The following TRPM3 variants were observed in gnomAD, a reference collection of about 807,000 sequenced individuals.
The protein encoded by TRPM3 is long transient receptor potential channel 3.
In TRPM3, 77 loss-of-function variants were observed where a neutral mutation model predicts 181.2. The observed-to-expected ratio is 0.42, with a 90% confidence interval of 0.35 to 0.51. The LOEUF (loss-of-function observed/expected upper bound fraction) is 0.51. Ranked by LOEUF, TRPM3 falls within the 20% of genes least tolerant of loss-of-function variation. The pLI, the probability that TRPM3 is intolerant of heterozygous loss-of-function variation, is 0.01. For missense variants in TRPM3, 1,759 were observed against 2,196.7 expected (o/e 0.80, Z 3.98); for synonymous variants, 745 against 796.4 (o/e 0.94, Z 1.09).
At chr9:71,446,935 T>C, upstream of TRPM3, 1 of 1,238,008 alleles carries the variant, frequency 8.1e-7, no homozygotes, top group Non-Finnish European at 1.1e-6. Flanking sequence ...GGCTCTCGGT[T>C]GGCGCTGCCT....
chr9:70,977,137 A>G lies in TRPM3; in HGVS notation c.178-112626T>C, dbSNP rs928701420. Among the ~76,000 whole-genome samples, 15 of 152,016 alleles carry G rather than the reference A, an allele frequency of 9.9e-5. No homozygotes were observed. The East Asian group carries it at 1.7e-3, about 18-fold the overall frequency. The stretch of plus-strand genomic sequence containing the variant: ...GCATCAGTCTGAACTGTTTTTATTT[A>G]TTTATTTTTTTTTTTGAGATGGAGT... On this transcript the variant is annotated intron_variant, in intron 1 of 25. Transcript: ENST00000677713.
At chr9:71,040,586 A>G (rs1362018924) in intron 1 of TRPM3, among the ~76,000 whole-genome samples, 2 of 152,244 alleles carry the variant, frequency 1.3e-5, no homozygotes, top group Non-Finnish European at 2.9e-5. Flanking sequence ...GGCAACCATC[A>G]TGGTTATAAT....
chr9:71,064,549 T>C (rs970199270), intron 1 of TRPM3, among the ~76,000 whole-genome samples: 1 of 152,076 alleles, frequency 6.6e-6, no homozygotes, highest in Non-Finnish European at 1.5e-5. Flanking sequence ...GTTCTTATAT[T>C]TGATTATAGG....
intron 1 of TRPM3, among the ~76,000 whole-genome samples, chr9:70,888,890 G>C (rs1006198955): frequency 6.6e-6 from 1 of 152,146 alleles, no homozygotes; most frequent in Non-Finnish European, 1.5e-5. Flanking sequence ...TTTCTCTCAA[G>C]TATTCTTCTA....
At chr9:70,973,240 T>G (rs2097264116) in intron 1 of TRPM3, among the ~76,000 whole-genome samples, 1 of 152,168 alleles carries the variant, frequency 6.6e-6, no homozygotes, top group African/African-American at 2.4e-5. Flanking sequence ...ACTCTTTTTA[T>G]CAGTCTACAT....
Position 71,271,898 on chromosome 9 carries a change from A to G in TRPM3, c.183+174755T>C, listed in dbSNP as rs898273609. On this transcript the variant is annotated intron_variant, in intron 1 of 24. Coordinates refer to the TRPM3 transcript ENST00000357533. Reference sequence around the variant, plus strand: ...GATGAGAAGAGAAAAAAAGATAAAGATCTATTCACTCTCTATCCCCAGGGA... The same window carrying G: ...GATGAGAAGAGAAAAAAAGATAAAGGTCTATTCACTCTCTATCCCCAGGGA... Among the ~76,000 whole-genome samples, 22 of 152,258 alleles carry G rather than the reference A, an allele frequency of 1.4e-4. No homozygotes were observed. The South Asian group carries it at 3.5e-3, about 24-fold the overall frequency.
chr9:71,112,214 A>G (rs1433860872), intron 1 of TRPM3, among the ~76,000 whole-genome samples: 1 of 152,196 alleles, frequency 6.6e-6, no homozygotes, highest in Non-Finnish European at 1.5e-5. Context: ...AATGTAACCC[A>G]GTCAATAATA....
At position 70,984,352 on chromosome 9, in the gene TRPM3, C is replaced by T. The variant is rs2097398096; in HGVS notation, c.178-119841G>A. Among the ~76,000 whole-genome samples, 4 of 152,252 alleles carry T rather than the reference C, an allele frequency of 2.6e-5. No homozygotes were observed. In the South Asian group the frequency reaches 8.3e-4, roughly 32 times the overall value. On this transcript the variant is annotated intron_variant, in intron 1 of 25. Transcript: ENST00000677713. ...AGAAGTTCTATAATTTGAAGGCTGG[C>T]AGTGTTGTAATAATGCAATTATTTG...
intron 1 of TRPM3, among the ~76,000 whole-genome samples, chr9:71,393,894 T>C (rs986065908): frequency 2.6e-5 from 4 of 152,184 alleles, no homozygotes; most frequent in African/African-American, 9.7e-5. Context: ...TGAAAGAAAG[T>C]TTGTACTGAA....
At chr9:70,907,876 G>T (rs1196066670) in intron 1 of TRPM3, among the ~76,000 whole-genome samples, 3 of 152,134 alleles carry the variant, frequency 2.0e-5, no homozygotes, top group Non-Finnish European at 4.4e-5. Flanking sequence ...TGCTGCAAAA[G>T]GTATGATTTC....
At chr9:71,023,054 A>T (rs1412683336) in intron 1 of TRPM3, among the ~76,000 whole-genome samples, 1 of 152,172 alleles carries the variant, frequency 6.6e-6, no homozygotes, top group East Asian at 1.9e-4. Context: ...TGAAGAAGCT[A>T]TAAAGCAGAC....
chr9:71,009,051 A>T (rs1220948419), intron 1 of TRPM3, among the ~76,000 whole-genome samples: 1 of 152,244 alleles, frequency 6.6e-6, no homozygotes, highest in African/African-American at 2.4e-5. Flanking sequence ...ACTCTCAGCA[A>T]ACTGAGTATA....
intron 1 of TRPM3, among the ~76,000 whole-genome samples, chr9:71,131,998 C>T (rs1046640512): frequency 1.3e-5 from 2 of 152,142 alleles, no homozygotes; most frequent in African/African-American, 4.8e-5. Flanking sequence ...AGGCAACTCT[C>T]TATTTTACGT....
Position 71,229,747 on chromosome 9 carries a change from C to T in TRPM3, c.183+216906G>A, listed in dbSNP as rs189143012. 2.4e-4 allele frequency among the ~76,000 whole-genome samples: 37 copies of T among 152,160 alleles called. No homozygotes were observed. The East Asian group carries it at 6.4e-3, about 26-fold the overall frequency. On this transcript the variant is annotated intron_variant, in intron 1 of 24. Transcript: ENST00000357533. Reference sequence around the variant, plus strand: ...ACTACAGTAAGGTATCACCTCACCCCAGTTAAAATGGCTTATATCCAAAAG... The same window carrying T: ...ACTACAGTAAGGTATCACCTCACCCTAGTTAAAATGGCTTATATCCAAAAG...
intron 5 of TRPM3, among the ~76,000 whole-genome samples, chr9:70,832,049 A>C (rs1296107923): frequency 1.5e-5 from 2 of 131,152 alleles, no homozygotes; most frequent in African/African-American, 6.0e-5. Context: ...AAAAAAAAAA[A>C]CCAAACACCG....
At chr9:70,893,751 T>C (rs576675833) in intron 1 of TRPM3, among the ~76,000 whole-genome samples, 1 of 152,252 alleles carries the variant, frequency 6.6e-6, no homozygotes, top group Admixed American at 6.5e-5. Flanking sequence ...TAATTAAACA[T>C]TGACACAGAG....
intron 1 of TRPM3, among the ~76,000 whole-genome samples, chr9:71,295,956 C>A (rs1485777996): frequency 6.6e-6 from 1 of 152,150 alleles, no homozygotes; most frequent in Non-Finnish European, 1.5e-5. Flanking sequence ...CAGGCTCCAG[C>A]CCTGACTCTG....
chr9:71,166,564 G>A (rs2076551426), intron 1 of TRPM3, among the ~76,000 whole-genome samples: 1 of 152,088 alleles, frequency 6.6e-6, no homozygotes. Flanking sequence ...AATATAAGCA[G>A]GAATGACCAG....
chr9:70,958,247 T>G (rs904596395), intron 1 of TRPM3, among the ~76,000 whole-genome samples: 5 of 152,152 alleles, frequency 3.3e-5, no homozygotes, highest in African/African-American at 1.2e-4. Context: ...TTTGTATGGT[T>G]CTGTGCTACA....
Sources: allele counts gnomAD v4.1 joint callset (sites outside exome capture counted in the v4.1 genomes callset), GRCh38; gene constraint gnomAD v4.1.1; transcripts MANE v1.5; gene names NCBI Gene and HGNC (gene_info 2026-07-23, HGNC 2026-07-21).